Variants in GPR146 observed in about 807,000 individuals in gnomAD.
GPR146 encodes G-protein coupled receptor 146.
For synonymous variants in GPR146, 203 were observed against 104.3 expected (o/e 1.95, Z -5.77); for missense variants, 381 against 213.9 (o/e 1.78, Z -4.87).
intron 1 of GPR146, chr7:1,056,043 G>C (rs1583595001): frequency 6.5e-6 from 1 of 153,334 alleles, no homozygotes; most frequent in Admixed American, 6.5e-5. Context: ...AGCAGGAGGG[G>C]AGAAGCCCGC....
chr7:1,054,949 T>C (rs1783568156), intron 1 of GPR146, among the ~76,000 whole-genome samples: 1 of 152,116 alleles, frequency 6.6e-6, no homozygotes. Context: ...GTTGATTTCC[T>C]CACGGAAAAA....
At chr7:1,053,945 A>T (rs1583582424) in intron 1 of GPR146, among the ~76,000 whole-genome samples, 1 of 152,176 alleles carries the variant, frequency 6.6e-6, no homozygotes, top group South Asian at 2.1e-4. Context: ...ACTCCCAGGG[A>T]CCCTGTTCCT....
intron 1 of GPR146, among the ~76,000 whole-genome samples, chr7:1,046,971 GC>G (rs1297228814): frequency 6.6e-6 from 1 of 152,232 alleles, no homozygotes; most frequent in Non-Finnish European, 1.5e-5. Context: ...CGACTGAGGA[GC>G]CCCGGCAGGT....
chr7:1,053,072 G>C (rs376420446), intron 1 of GPR146, among the ~76,000 whole-genome samples: 37 of 152,338 alleles, frequency 2.4e-4, no homozygotes, highest in Admixed American at 1.1e-3. Flanking sequence ...CCTGCCCAGT[G>C]GGGGGAGAAG....
chr7:1,055,172 C>T (rs1297593392), intron 1 of GPR146: 7 of 462,412 alleles, frequency 1.5e-5, no homozygotes, highest in Admixed American at 9.5e-5. Flanking sequence ...AGTGCGGTCC[C>T]GTCCAAGCAC....
chr7:1,047,579 G>A (rs918156127), intron 1 of GPR146, among the ~76,000 whole-genome samples: 2 of 152,226 alleles, frequency 1.3e-5, no homozygotes, highest in African/African-American at 4.8e-5. Flanking sequence ...TACTACAAAA[G>A]AAAATAAACA....
At chr7:1,049,519 G>T (rs1031415171) in intron 1 of GPR146, among the ~76,000 whole-genome samples, 2 of 152,202 alleles carry the variant, frequency 1.3e-5, no homozygotes, top group African/African-American at 4.8e-5. Flanking sequence ...CATGCTTGCT[G>T]CCCGCTCCAG....
At chr7:1,051,782 T>A (rs1371957206) in intron 1 of GPR146, among the ~76,000 whole-genome samples, 1 of 152,216 alleles carries the variant, frequency 6.6e-6, no homozygotes, top group Non-Finnish European at 1.5e-5. Context: ...GAGACTAGCC[T>A]GGGCAACATA....
At chr7:1,046,156 G>A (rs188475172) in intron 1 of GPR146, among the ~76,000 whole-genome samples, 13 of 152,364 alleles carry the variant, frequency 8.5e-5, no homozygotes, top group African/African-American at 3.1e-4. Context: ...ACAGTCGGAA[G>A]AGGGACATGC....
intron 1 of GPR146, 95 bp downstream of exon 1, chr7:1,044,753 G>A (rs995832409): frequency 2.6e-5 from 4 of 151,906 alleles, no homozygotes; most frequent in South Asian, 2.1e-4. Context: ...TGGCTCCCAC[G>A]GCGGGCGCTG....
chr7:1,047,755 T>G (rs1461056014), intron 1 of GPR146, among the ~76,000 whole-genome samples: 1 of 152,144 alleles, frequency 6.6e-6, no homozygotes, highest in Non-Finnish European at 1.5e-5. Context: ...CTCTTTCCAC[T>G]CAAATCTAAG....
intron 1 of GPR146, among the ~76,000 whole-genome samples, chr7:1,050,937 C>T (rs533343354): frequency 6.6e-6 from 1 of 152,344 alleles, no homozygotes; most frequent in South Asian, 2.1e-4. Context: ...CTCACCCTAG[C>T]CTGCTGGAGA....
At chr7:1,048,994 A>C (rs74366004) in intron 1 of GPR146, among the ~76,000 whole-genome samples, 16,306 of 152,242 alleles carry the variant, frequency 0.11, 1,161 homozygotes, top group Middle Eastern at 0.2. Context: ...AAAAACCATA[A>C]AACTGCAAAG....
At chr7:1,050,808 A>G (rs528523417) in intron 1 of GPR146, among the ~76,000 whole-genome samples, 2 of 152,318 alleles carry the variant, frequency 1.3e-5, no homozygotes, top group East Asian at 1.9e-4. Context: ...AGACGGGCAC[A>G]CCGGAAACAG....
chr7:1,057,623 G>T lies in GPR146; in HGVS notation c.108G>T (p.Val36=). 1 of 769,686 alleles carries T rather than the reference G, an allele frequency of 1.3e-6. No individual in the cohort carries two copies. 47.7% of individuals were successfully genotyped at this position (769,686 alleles called of 1,614,324 possible). A position where few individuals can be genotyped will look rare whatever the true frequency, so the allele number is the denominator to read the frequency against. Residue 36 remains valine (V), a synonymous_variant, in exon 2 of 2, where the codon GTG becomes GTT. Coordinates refer to ENST00000444847, the MANE Select transcript of GPR146 (RefSeq NM_001303473.2). The stretch of plus-strand genomic sequence containing the variant: ...TGTTGTCGCTGCTGGGCCTGGTGGT[G>T]GGCGTGCCAGTGGGCCTGTGCTACA... ...LSLLSLLGLV[V]GVPVGLCYNA...
In GPR146 at chr7:1,052,927, G is replaced by A. The variant is rs1783276569; in HGVS notation, c.-24-4565G>A. On this transcript the variant is annotated intron_variant, in intron 1 of 1. Transcript: ENST00000444847. The surrounding 1 kb of genome is among the most constrained non-coding windows in gnomAD (Gnocchi z 4.2). ...AAACTCAGGCTTTCGTGTAGGAAAA[G>A]AGCCCACTTCTGAAGAGGCTCATCT... Among the ~76,000 whole-genome samples the A allele has an allele frequency of 6.6e-6, 1 of 152,206 alleles. No individual in the cohort carries two copies. Among genetic ancestry groups the A allele is most frequent in the African/African-American group, 2.4e-5 (1 of 41,450 alleles).
In GPR146 at chr7:1,052,703, C is replaced by T. The variant is rs370943959; in HGVS notation, c.-24-4789C>T. On this transcript the variant is annotated intron_variant, in intron 1 of 1. Transcript: ENST00000444847. The surrounding 1 kb of genome is among the most constrained non-coding windows in gnomAD (Gnocchi z 4.2). Reference sequence around the variant, plus strand: ...TGGCTGAGGGTGCAGTGGCGGGCCCCGGAAGCTGAATATCACCCCCGCCAC... The same window carrying T: ...TGGCTGAGGGTGCAGTGGCGGGCCCTGGAAGCTGAATATCACCCCCGCCAC... 3.1e-3 allele frequency among the ~76,000 whole-genome samples: 464 copies of T among 152,100 alleles called. 2 individuals carry two copies. The highest frequency in any genetic ancestry group is 9.9e-3 in the African/African-American group (412 of 41,492).
At chr7:1,050,595 G>A (rs1423610398) in intron 1 of GPR146, among the ~76,000 whole-genome samples, 1 of 152,230 alleles carries the variant, frequency 6.6e-6, no homozygotes, top group East Asian at 1.9e-4. Context: ...GCGGACGGAC[G>A]CGGGAGAGCC....
At chr7:1,054,778 A>G (rs1263706559) in intron 1 of GPR146, among the ~76,000 whole-genome samples, 1 of 152,190 alleles carries the variant, frequency 6.6e-6, no homozygotes, top group Admixed American at 6.5e-5. Flanking sequence ...TTCTCTGGCC[A>G]TGCCCATGTC....
Sources: gnomAD v4.1 joint callset for allele counts (sites outside exome capture counted in the v4.1 genomes callset) on GRCh38, gnomAD v4.1.1 for gene constraint, Gnocchi (gnomAD v3.1) non-coding constraint, MANE v1.5 for transcripts, NCBI Gene and HGNC (gene_info 2026-07-23, HGNC 2026-07-21) for gene names.